The following TRAPPC12 variants were observed in gnomAD, a reference collection of about 807,000 sequenced individuals.
The protein encoded by TRAPPC12 is trafficking protein particle complex subunit 12.
In TRAPPC12, 61 loss-of-function variants were observed where a neutral mutation model predicts 69.2. The observed-to-expected ratio is 0.88, with a 90% CI of 0.72 to 1.09. The LOEUF is 1.09. TRAPPC12 is among the 50% of genes least tolerant of loss of function. TRAPPC12 has a pLI of 0.00. For synonymous variants in TRAPPC12, 469 were observed against 438.9 expected (o/e 1.07, Z -0.86); for missense variants, 1,101 against 1,016.4 (o/e 1.08, Z -1.13).
At chr2:3,467,143 G>A (rs73133041) in intron 9 of TRAPPC12, among the ~76,000 whole-genome samples, 8,857 of 152,270 alleles carry the variant, frequency 0.058, 845 homozygotes, top group African/African-American at 0.2. Context: ...CTTCCACAGT[G>A]TGATTTAAGC....
intron 2 of TRAPPC12, among the ~76,000 whole-genome samples, chr2:3,393,112 T>TA (rs200547212): frequency 0.12 from 17,646 of 147,622 alleles, 1,039 homozygotes; most frequent in South Asian, 0.16. Context: ...CTGTCTCTTT[T>TA]TAAAAAAAAA....
intron 9 of TRAPPC12, among the ~76,000 whole-genome samples, chr2:3,470,261 G>C (rs1171116531): frequency 1.3e-5 from 2 of 152,270 alleles, no homozygotes; most frequent in Non-Finnish European, 2.9e-5. Flanking sequence ...TGCGGAGAAG[G>C]CAGATTTCCA....
Position 3,388,306 on chromosome 2 carries a change from C to T in TRAPPC12, c.683C>T (p.Thr228Ile). 1 of 1,605,404 alleles carries T rather than the reference C, an allele frequency of 6.2e-7. No individual in the cohort carries two copies. Among genetic ancestry groups the T allele is most frequent in the East Asian group, 2.3e-5 (1 of 44,072 alleles). ...GCCTCGGACTTCTTCGACTCCTTTA[C>T]TACCTCCGCCTTCATTTCCGTCAGC... ...SLASDFFDSFTTSAFISVSNP... is the reference protein window; with the variant it reads ...SLASDFFDSFITSAFISVSNP... Residue 228 changes from threonine (T) to isoleucine (I), a missense_variant, in exon 2 of 12, where the codon ACT (threonine) becomes ATT (isoleucine). Coordinates refer to ENST00000324266, the MANE Select transcript of TRAPPC12 (RefSeq NM_016030.6).
chr2:3,475,616 G>A (rs941663654), intron 9 of TRAPPC12, among the ~76,000 whole-genome samples: 1 of 152,122 alleles, frequency 6.6e-6, no homozygotes, highest in African/African-American at 2.4e-5. Context: ...GGGTAGCAAA[G>A]AATATCCCAA....
chr2:3,436,054 C>T (rs1159336432), intron 5 of TRAPPC12, among the ~76,000 whole-genome samples: 1 of 152,194 alleles, frequency 6.6e-6, no homozygotes, highest in Non-Finnish European at 1.5e-5. Context: ...ACAGGAGTCA[C>T]CCAGCCTCTT....
chr2:3,406,754 G>A (rs1661756192), intron 3 of TRAPPC12, among the ~76,000 whole-genome samples: 1 of 152,244 alleles, frequency 6.6e-6, no homozygotes, highest in Non-Finnish European at 1.5e-5. Context: ...AACTGAACTG[G>A]CAGCATGACA....
rs1661467464 is a variant in TRAPPC12 at position 3,401,949 on chromosome 2, T to A, written c.1164+56T>A. Reference sequence around the variant, plus strand: ...GTTTTGTGATAAGTCCTGCCTGCCTTCATAATATTTTCTCTAGAAGTCAAT... The same window carrying A: ...GTTTTGTGATAAGTCCTGCCTGCCTACATAATATTTTCTCTAGAAGTCAAT... On this transcript the variant is annotated intron_variant, in intron 3 of 11. Transcript: ENST00000324266. 1.2e-5 allele frequency: 14 copies of A among 1,154,980 alleles called. 1 individual carries two copies. The South Asian group carries it at 2.3e-4, about 19-fold the overall frequency. 71.5% of individuals were successfully genotyped at this position (1,154,980 alleles called of 1,614,324 possible).
At chr2:3,477,672 CTG>C in intron 9 of TRAPPC12, 21 bp from the exon 10 acceptor site, 1 of 1,502,156 alleles carries the variant, frequency 6.7e-7, no homozygotes, top group Non-Finnish European at 9.1e-7. Flanking sequence ...GTCAACTAAA[CTG>C]ACTAAATTTT....
intron 3 of TRAPPC12, 133 bp from the exon 4 acceptor site, chr2:3,421,748 C>T (rs912122624): frequency 2.1e-5 from 17 of 807,504 alleles, no homozygotes; most frequent in Non-Finnish European, 3.4e-5. Flanking sequence ...CTGACGTTGT[C>T]ACCATTACTA....
intron 11 of TRAPPC12, 33 bp downstream of exon 11, chr2:3,478,966 T>G: frequency 1.2e-6 from 2 of 1,602,626 alleles, no homozygotes; most frequent in South Asian, 1.1e-5. Context: ...TCCTCCATCC[T>G]CTGCCTTTCA....
intron 6 of TRAPPC12, among the ~76,000 whole-genome samples, chr2:3,445,701 A>G (rs964656342): frequency 6.6e-6 from 1 of 152,260 alleles, no homozygotes; most frequent in Non-Finnish European, 1.5e-5. Flanking sequence ...AACCCAAGTC[A>G]TCTGGCTCTA....
intron 9 of TRAPPC12, among the ~76,000 whole-genome samples, chr2:3,477,191 T>C (rs1666331119): frequency 2.0e-5 from 3 of 152,204 alleles, no homozygotes; most frequent in Admixed American, 6.5e-5. Context: ...ACATGCGTGA[T>C]AAGAGTGGGT....
chr2:3,419,291 T>C (rs1176221011), intron 3 of TRAPPC12, among the ~76,000 whole-genome samples: 3 of 152,196 alleles, frequency 2.0e-5, no homozygotes, highest in African/African-American at 4.8e-5. Flanking sequence ...GGTTCAGACT[T>C]GGCACAATCT....
chr2:3,418,332 A>G (rs1662564360), intron 3 of TRAPPC12, among the ~76,000 whole-genome samples: 1 of 142,962 alleles, frequency 7.0e-6, no homozygotes, highest in Non-Finnish European at 1.5e-5. Flanking sequence ...CATGCCATAC[A>G]CATAAAGTTC....
Position 3,477,711 on chromosome 2 carries a change from C to G in TRAPPC12, c.1793C>G (p.Thr598Arg). ...TCAAAGCAGATTGGAGACATAAAAA[C>G]AGCTGAAAAGTATTTTCAAGACGTT... ...RISLQIGDIK[T>R]AEKYFQDVEK... The change falls in exon 10 of 12, where the codon ACA becomes AGA. Residue 598 changes from threonine to arginine, a missense_variant. By Grantham distance (71) the Thr-to-Arg change is moderately conservative (BLOSUM62 -1). Coordinates refer to ENST00000324266, the MANE Select transcript of TRAPPC12 (RefSeq NM_016030.6). The G allele has an allele frequency of 6.2e-7, 1 of 1,605,470 alleles. No homozygotes were observed. The highest frequency in any genetic ancestry group is 1.1e-5 in the South Asian group (1 of 89,296).
chr2:3,381,139 G>A (rs181173006), intron 1 of TRAPPC12, among the ~76,000 whole-genome samples: 2 of 152,290 alleles, frequency 1.3e-5, no homozygotes, highest in East Asian at 3.9e-4. Flanking sequence ...TATGATGGAG[G>A]TAATAATAAT....
At chr2:3,456,675 C>T (rs1172596751) in intron 6 of TRAPPC12, 1 of 188,840 alleles carries the variant, frequency 5.3e-6, no homozygotes, top group Non-Finnish European at 1.1e-5. Context: ...ACCTCCCAGG[C>T]TCAGGTGATC....
chr2:3,452,484 C>G (rs1664900912), intron 6 of TRAPPC12, among the ~76,000 whole-genome samples: 1 of 152,218 alleles, frequency 6.6e-6, no homozygotes, highest in Admixed American at 6.5e-5. Flanking sequence ...TCAGCTGGGT[C>G]TGTTCCACTT....
intron 3 of TRAPPC12, among the ~76,000 whole-genome samples, chr2:3,420,140 AGTGG>A (rs1003515657): frequency 2.0e-5 from 3 of 152,172 alleles, no homozygotes; most frequent in Non-Finnish European, 4.4e-5. Flanking sequence ...TCGATAGGTC[AGTGG>A]GTAAACACAC....
Sources: allele counts gnomAD v4.1 joint callset (sites outside exome capture counted in the v4.1 genomes callset), GRCh38; gene constraint gnomAD v4.1.1; transcripts MANE v1.5; gene names NCBI Gene and HGNC (gene_info 2026-07-23, HGNC 2026-07-21).